The following CNKSR2 variants were observed in gnomAD, a reference collection of about 807,000 sequenced individuals.
CNKSR2 encodes the protein CNK homolog protein 2.
A neutral mutation model predicts 84.4 loss-of-function variants in CNKSR2; 14 were observed. The observed-to-expected ratio is 0.17, with a 90% confidence interval of 0.11 to 0.26. CNKSR2 has a LOEUF of 0.26. Among genes scored for constraint, CNKSR2 ranks in the 10% least tolerant of loss-of-function variants. The pLI is 1.00. For missense variants in CNKSR2, 485 were observed against 771.2 expected, an observed-to-expected ratio of 0.63 and a Z score of 4.40; for synonymous variants, 275 against 277.9, an observed-to-expected ratio of 0.99 and a Z score of 0.10.
At chrX:21,620,294 CT>C (rs1234182959) in intron 20 of CNKSR2, among the ~76,000 whole-genome samples, 1 of 109,835 alleles carries the variant, frequency 9.1e-6, no homozygotes, top group Non-Finnish European at 1.9e-5. Flanking sequence ...TTGTAAGCAT[CT>C]TTTTTTAATG....
chrX:21,418,867 T>C (rs1446213146), intron 1 of CNKSR2, among the ~76,000 whole-genome samples: 2 of 110,722 alleles, frequency 1.8e-5, no homozygotes, highest in African/African-American at 6.6e-5. Flanking sequence ...CTTTGTTAAA[T>C]TTATCTAATA....
At chrX:21,520,215 G>T (rs2091768658) in intron 9 of CNKSR2, among the ~76,000 whole-genome samples, 1 of 111,164 alleles carries the variant, frequency 9.0e-6, no homozygotes, top group African/African-American at 3.3e-5. Context: ...TTTTGTGATA[G>T]AACGTAAGGA....
Position 21,400,315 on chromosome X carries a change from T to C in CNKSR2, c.64+25354T>C, listed in dbSNP as rs779072703. Among the ~76,000 whole-genome samples, 5 of 110,117 alleles carry C rather than the reference T, an allele frequency of 4.5e-5. No homozygotes were observed. The East Asian group carries it at 1.4e-3, about 31-fold the overall frequency. ...TCAACATGGCCTGCTCATACAAAAA[T>C]TTCTGATTGTAGAGTGCTTTGTCTT... On this transcript the variant is annotated intron_variant, in intron 1 of 21. Coordinates refer to ENST00000379510, the MANE Select transcript of CNKSR2 (RefSeq NM_014927.5).
At chrX:21,642,419 G>A in intron 20 of CNKSR2, 1 of 750,672 alleles carries the variant, frequency 1.3e-6, no homozygotes, top group Non-Finnish European at 1.6e-6. Context: ...TTTTTGAAAA[G>A]TATTTTGTCT....
At chrX:21,475,890 C>A (rs2091256066) in intron 5 of CNKSR2, among the ~76,000 whole-genome samples, 1 of 111,275 alleles carries the variant, frequency 9.0e-6, no homozygotes, top group Admixed American at 9.6e-5. Context: ...TGTCACTAAT[C>A]TGAAAATACT....
chrX:21,521,844 C>T (rs182647984), intron 9 of CNKSR2, among the ~76,000 whole-genome samples: 65 of 110,693 alleles, frequency 5.9e-4, no homozygotes, highest in Non-Finnish European at 1.1e-3. Flanking sequence ...TAAAAGGATA[C>T]TCAAACCTTT....
chrX:21,584,590 T>G (rs972915318), intron 13 of CNKSR2, among the ~76,000 whole-genome samples: 3 of 111,730 alleles, frequency 2.7e-5, no homozygotes, highest in Non-Finnish European at 3.8e-5. Context: ...CAGGGAAGCT[T>G]GGGTAGAATT....
chrX:21,559,196 C>T (rs773174154), intron 11 of CNKSR2, among the ~76,000 whole-genome samples: 1 of 110,177 alleles, frequency 9.1e-6, no homozygotes, highest in Non-Finnish European at 1.9e-5. Context: ...AAACAAGAGA[C>T]ACACAGCAAA....
intron 17 of CNKSR2, among the ~76,000 whole-genome samples, chrX:21,598,526 A>C (rs965577422): frequency 4.5e-5 from 5 of 111,976 alleles, no homozygotes; most frequent in South Asian, 7.5e-4. Context: ...AGCATTGGTG[A>C]TATGGTAAGG....
intron 9 of CNKSR2, among the ~76,000 whole-genome samples, chrX:21,526,575 G>C (rs747535655): frequency 9.0e-6 from 1 of 110,878 alleles, no homozygotes; most frequent in South Asian, 3.8e-4. Context: ...TTCCCATTTT[G>C]AAACACTGCA....
chrX:21,507,975 C>G (rs1244060925), intron 8 of CNKSR2, among the ~76,000 whole-genome samples: 1 of 111,582 alleles, frequency 9.0e-6, no homozygotes, highest in Non-Finnish European at 1.9e-5. Context: ...GAAGGAATGG[C>G]TGAAATTTAA....
intron 1 of CNKSR2, among the ~76,000 whole-genome samples, chrX:21,400,432 A>T (rs2090174897): frequency 9.0e-6 from 1 of 111,067 alleles, no homozygotes; most frequent in Non-Finnish European, 1.9e-5. Flanking sequence ...TATACATGAT[A>T]TTTTATTAGG....
intron 4 of CNKSR2, among the ~76,000 whole-genome samples, chrX:21,466,121 A>G (rs773082562): frequency 1.8e-5 from 2 of 112,208 alleles, no homozygotes; most frequent in South Asian, 7.4e-4. Flanking sequence ...TTGCATATAC[A>G]ATAAAAGCTT....
At chrX:21,455,644 T>C (rs1477551934) in intron 4 of CNKSR2, among the ~76,000 whole-genome samples, 1 of 112,277 alleles carries the variant, frequency 8.9e-6, no homozygotes, top group Non-Finnish European at 1.9e-5. Context: ...CCAGAGAGAT[T>C]GATGTCAGTG....
intron 11 of CNKSR2, among the ~76,000 whole-genome samples, chrX:21,534,072 C>G (rs1229704454): frequency 9.1e-6 from 1 of 109,923 alleles, no homozygotes; most frequent in African/African-American, 3.3e-5. Context: ...TAACCAATCT[C>G]TTCAAAATCC....
chrX:21,649,726 T>C (rs1485696061), intron 21 of CNKSR2, among the ~76,000 whole-genome samples: 1 of 110,233 alleles, frequency 9.1e-6, no homozygotes. Context: ...GTGTGGGAGA[T>C]TGAAGGAGAG....
intron 1 of CNKSR2, among the ~76,000 whole-genome samples, chrX:21,380,443 C>CTTTTT (rs1213793885): frequency 2.8e-5 from 2 of 70,320 alleles, no homozygotes; most frequent in Non-Finnish European, 5.3e-5. Context: ...TCAATTTGTT[C>CTTTTT]TTTTTTTTTT....
At chrX:21,427,600 C>T (rs753552667) in intron 2 of CNKSR2, 1 of 112,134 alleles carries the variant, frequency 8.9e-6, no homozygotes, top group Non-Finnish European at 1.9e-5. Flanking sequence ...CTTTGAATTT[C>T]CGTTTACCCT....
At chrX:21,621,506 CTG>C (rs1256316201) in intron 20 of CNKSR2, among the ~76,000 whole-genome samples, 1 of 111,308 alleles carries the variant, frequency 9.0e-6, no homozygotes, top group African/African-American at 3.3e-5. Flanking sequence ...AGCACCCTTT[CTG>C]TGTTTTTAAC....
Sources: allele counts gnomAD v4.1 joint callset (sites outside exome capture counted in the v4.1 genomes callset), GRCh38; gene constraint gnomAD v4.1.1; transcripts MANE v1.5; gene names NCBI Gene and HGNC (gene_info 2026-07-23, HGNC 2026-07-21).